The following CDH13 variants were observed in gnomAD, a reference collection of about 807,000 sequenced individuals.
The protein encoded by CDH13 is cadherin 13.
Under a neutral mutation model 63.8 loss-of-function variants are expected in CDH13, and 24 were observed. The ratio of observed to expected loss-of-function variants is 0.38; its 90% CI spans 0.27 to 0.53. CDH13 has a LOEUF of 0.53. Ranked by LOEUF, CDH13 falls within the 20% of genes least tolerant of loss-of-function variation. CDH13 has a pLI of 0.85. For missense variants in CDH13, 1,049 were observed against 903.1 expected (o/e 1.16, Z -2.07); for synonymous variants, 503 against 355.3 (o/e 1.42, Z -4.67).
At chr16:82,991,108 T>A (rs1201666707) in intron 2 of CDH13, among the ~76,000 whole-genome samples, 5 of 152,304 alleles carry the variant, frequency 3.3e-5, no homozygotes, top group African/African-American at 1.2e-4. Context: ...GCACATCTGA[T>A]CACACCATCT....
Position 83,602,487 on chromosome 16 carries a change from G to A in CDH13, c.994G>A (p.Glu332Lys), listed in dbSNP as rs371252543. The change falls in exon 8 of 14, where the codon GAG becomes AAG. Residue 332 changes from glutamate (E) to lysine (K), a missense_variant. Coordinates refer to ENST00000567109, the MANE Select transcript of CDH13 (RefSeq NM_001257.5). Reference sequence around the variant, plus strand: ...AAATCCCAAGTATGAACTGATCATCGAGGCTCAAGATATGGCTGGACTGGA... The same window carrying A: ...AAATCCCAAGTATGAACTGATCATCAAGGCTCAAGATATGGCTGGACTGGA... ...LENPKYELII[E>K]AQDMAGLDVG... 6.2e-6 allele frequency: 10 copies of A among 1,613,800 alleles called. No individual in the cohort carries two copies. The highest frequency in any genetic ancestry group is 2.2e-5 in the East Asian group (1 of 44,880).
intron 1 of CDH13, among the ~76,000 whole-genome samples, chr16:82,741,506 G>T (rs1214814603): frequency 6.6e-6 from 1 of 152,130 alleles, no homozygotes; most frequent in Non-Finnish European, 1.5e-5. Flanking sequence ...TCATTCATGC[G>T]CCTTTTGCTG....
intron 6 of CDH13, among the ~76,000 whole-genome samples, chr16:83,483,963 C>G (rs2073830706): frequency 6.6e-6 from 1 of 152,158 alleles, no homozygotes; most frequent in Admixed American, 6.5e-5. Context: ...CAAGAATGTT[C>G]TTTTCTGAAG....
At chr16:83,677,852 C>T (rs1302986030) in intron 9 of CDH13, among the ~76,000 whole-genome samples, 2 of 152,014 alleles carry the variant, frequency 1.3e-5, no homozygotes, top group Non-Finnish European at 2.9e-5. Context: ...CAGGGAGTTG[C>T]CTAACGATAT....
At chr16:83,284,882 G>A (rs1298858990) in intron 5 of CDH13, among the ~76,000 whole-genome samples, 2 of 152,134 alleles carry the variant, frequency 1.3e-5, no homozygotes, top group Non-Finnish European at 2.9e-5. Context: ...ATAGGGAAAT[G>A]ATTTTTGTAA....
chr16:83,657,834 G>T lies in CDH13; in HGVS notation c.1102-12956G>T, dbSNP rs563818770. Among the ~76,000 whole-genome samples, 11 of 152,088 alleles carry T rather than the reference G, an allele frequency of 7.2e-5. No individual in the cohort carries two copies. In the South Asian group the frequency reaches 1.0e-3, roughly 14 times the overall value. ...CCAGCCACATGTCCTCACCAGCAAG[G>T]TCCCATGTCCTCACCAGCAGGTCCC... On this transcript the variant is annotated intron_variant, in intron 8 of 13. Transcript: ENST00000567109.
chr16:82,850,797 C>A (rs1255539151), intron 1 of CDH13, among the ~76,000 whole-genome samples: 1 of 152,172 alleles, frequency 6.6e-6, no homozygotes, highest in African/African-American at 2.4e-5. Flanking sequence ...CCCTCACCAG[C>A]AAAAAGACAA....
At chr16:83,245,521 C>G (rs1904903144) in intron 5 of CDH13, among the ~76,000 whole-genome samples, 1 of 152,202 alleles carries the variant, frequency 6.6e-6, no homozygotes, top group African/African-American at 2.4e-5. Flanking sequence ...AGAACTCCAT[C>G]TAGGCTTCGA....
chr16:83,796,770 G>C lies in CDH13; in HGVS notation c.*1740G>C, dbSNP rs1003582648. 2.0e-5 allele frequency: 3 copies of C among 152,162 alleles called. No homozygotes were observed. The highest frequency in any genetic ancestry group is 4.4e-5 in the Non-Finnish European group (3 of 68,032). 9.4% of individuals were successfully genotyped at this position (152,162 alleles called of 1,614,324 possible). On this transcript the variant is annotated 3_prime_UTR_variant, in exon 14 of 14. Coordinates refer to ENST00000567109, the MANE Select transcript of CDH13 (RefSeq NM_001257.5). Reference sequence around the variant, plus strand: ...GTACCAGTTCTCAGCATGGGCCATGGACTCATCTTGTCCACCTCATGATAT... The same window carrying C: ...GTACCAGTTCTCAGCATGGGCCATGCACTCATCTTGTCCACCTCATGATAT...
intron 3 of CDH13, among the ~76,000 whole-genome samples, chr16:83,113,947 T>C (rs34097825): frequency 0.36 from 54,054 of 151,884 alleles, 10,704 homozygotes; most frequent in Middle Eastern, 0.48. Context: ...CTATATACCC[T>C]GTAGGCTTAA....
chr16:82,776,375 C>CA (rs1325720316), intron 1 of CDH13, among the ~76,000 whole-genome samples: 2 of 151,920 alleles, frequency 1.3e-5, no homozygotes, highest in Non-Finnish European at 2.9e-5. Context: ...GGCCTGCATG[C>CA]AAAAAAACCC....
intron 2 of CDH13, among the ~76,000 whole-genome samples, chr16:83,017,618 C>T (rs776202141): frequency 1.4e-4 from 21 of 152,220 alleles, no homozygotes; most frequent in Non-Finnish European, 2.1e-4. Context: ...ATTTAGTCCA[C>T]GGACTGACAT....
At chr16:82,927,429 T>C (rs372295879) in intron 2 of CDH13, among the ~76,000 whole-genome samples, 1 of 152,290 alleles carries the variant, frequency 6.6e-6, no homozygotes, top group East Asian at 1.9e-4. Context: ...TGTTTTACCA[T>C]CTTCATAATG....
At chr16:82,748,559 G>T (rs2034279752) in intron 1 of CDH13, among the ~76,000 whole-genome samples, 1 of 152,148 alleles carries the variant, frequency 6.6e-6, no homozygotes, top group South Asian at 2.1e-4. Context: ...TTTAATTTTT[G>T]GATTGTGACC....
Position 83,115,312 on chromosome 16 carries a change from C to A in CDH13, c.367-10073C>A, listed in dbSNP as rs114352104. ...CGTTGAATGGATTAAGTGAGATAAT[C>A]ATACAATGTGTTTAGCACTGTGCCT... On this transcript the variant is annotated intron_variant, in intron 3 of 13. Transcript: ENST00000567109. Among the ~76,000 whole-genome samples, 678 of 152,238 alleles carry A rather than the reference C, an allele frequency of 4.5e-3. 6 individuals are homozygous for A. Among genetic ancestry groups the A allele is most frequent in the African/African-American group, 0.016 (647 of 41,534 alleles).
At chr16:83,274,859 T>C (rs1359211308) in intron 5 of CDH13, among the ~76,000 whole-genome samples, 1 of 152,142 alleles carries the variant, frequency 6.6e-6, no homozygotes, top group Non-Finnish European at 1.5e-5. Flanking sequence ...TTGATTTGGA[T>C]AAGAGTTTGG....
At chr16:83,085,986 G>A (rs7187580) in intron 3 of CDH13, among the ~76,000 whole-genome samples, 101,954 of 152,132 alleles carry the variant, frequency 0.67, 35,185 homozygotes, top group African/African-American at 0.84. Context: ...AGAGTTAAAC[G>A]TATTTGTCTC....
At chr16:83,391,386 C>T (rs112069760) in intron 6 of CDH13, among the ~76,000 whole-genome samples, 16,128 of 151,636 alleles carry the variant, frequency 0.11, 1,107 homozygotes, top group Non-Finnish European at 0.15. Context: ...TTGTATTTTT[C>T]GTAGAGACGG....
At chr16:82,916,697 T>C (rs1335185050) in intron 2 of CDH13, among the ~76,000 whole-genome samples, 2 of 152,358 alleles carry the variant, frequency 1.3e-5, no homozygotes, top group East Asian at 3.9e-4. Context: ...TCAATAATTT[T>C]TATGTTTGTT....
Sources: allele counts gnomAD v4.1 joint callset (sites outside exome capture counted in the v4.1 genomes callset), GRCh38; gene constraint gnomAD v4.1.1; transcripts MANE v1.5; gene names NCBI Gene and HGNC (gene_info 2026-07-23, HGNC 2026-07-21).